STAB1: variants seen among roughly 807,000 people sequenced by gnomAD.
STAB1 encodes the protein stabilin-1.
Under a neutral mutation model 332.4 loss-of-function variants are expected in STAB1, and 250 were observed. The observed-to-expected ratio is 0.75, with a 90% CI of 0.68 to 0.84. The LOEUF (loss-of-function observed/expected upper bound fraction) is 0.84. Among genes scored for constraint, STAB1 ranks in the 40% least tolerant of loss-of-function variants. The pLI is 0.00. For synonymous variants in STAB1, 1,475 were observed against 1,390.4 expected (o/e 1.06, Z -1.35); for missense variants, 3,249 against 3,489.7 (o/e 0.93, Z 1.74).
chr3:52,504,181 G>A lies in STAB1; in HGVS notation c.1150+26G>A, dbSNP rs376558731. On this transcript the variant is annotated intron_variant, in intron 10 of 68. Transcript: ENST00000321725. The stretch of plus-strand genomic sequence containing the variant: ...GTGCGTGACCCCACTGCTTGCCCAC[G>A]ACCCGACCCCTCACCCCCAGCACAG... The A allele has an allele frequency of 2.8e-5, 44 of 1,569,548 alleles. 1 individual carries two copies. In the Admixed American group the frequency reaches 5.5e-4, roughly 20 times the overall value.
intron 1 of STAB1, among the ~76,000 whole-genome samples, chr3:52,500,624 G>A (rs946218634): frequency 4.6e-5 from 7 of 152,248 alleles, no homozygotes; most frequent in African/African-American, 1.4e-4. Flanking sequence ...CATCGTGCCT[G>A]TGCCCATGAG....
Position 52,514,331 on chromosome 3 carries a change from C to T in STAB1, c.3547-34C>T, listed in dbSNP as rs765621657. The T allele has an allele frequency of 2.6e-6, 4 of 1,556,656 alleles. No individual in the cohort carries two copies. The South Asian group carries it at 3.7e-5, about 14-fold the overall frequency. On this transcript the variant is annotated intron_variant, in intron 33 of 68. Coordinates refer to ENST00000321725, the MANE Select transcript of STAB1 (RefSeq NM_015136.3). ...GTGCTGTCCAGGGCACTTGGTTATC[C>T]TGCAGTCCCCTGGGTTCTCTCCTTC...
At chr3:52,519,844 G>T in intron 50 of STAB1, 100 bp from the exon 51 acceptor site, 1 of 1,396,020 alleles carries the variant, frequency 7.2e-7, no homozygotes, top group South Asian at 1.4e-5. Context: ...GAGTGTGGGT[G>T]AGTGTGGAGC....
In STAB1 at chr3:52,519,262, A is replaced by C. The variant is rs770434623; in HGVS notation, c.5035-2A>C. ...TTCATCAGCCCCGTGCCCCGCCCCCAGGGCAGCATATACCTCAATGACTTC... is the reference window on the plus strand; with the variant it reads ...TTCATCAGCCCCGTGCCCCGCCCCCCGGGCAGCATATACCTCAATGACTTC... On this transcript the variant is annotated splice_acceptor_variant, in intron 48 of 68. Transcript: ENST00000321725. LOFTEE classifies it high-confidence loss of function. 4.3e-6 allele frequency: 7 copies of C among 1,610,570 alleles called. No homozygotes were observed. The highest frequency in any genetic ancestry group is 3.4e-6 in the Non-Finnish European group (4 of 1,178,590).
At position 52,520,284 on chromosome 3, in the gene STAB1, G is replaced by A. The variant is rs375951164; in HGVS notation, c.5493G>A (p.Thr1831=). Residue 1831 remains threonine, a synonymous_variant, in exon 52 of 69, where the codon ACG becomes ACA. Coordinates refer to ENST00000321725, the MANE Select transcript of STAB1 (RefSeq NM_015136.3). ...GTPISFSCSR[T]RAGELMVGED... ...CCATCTCTTTCTCCTGCAGCCGAAC[G>A]CGGGCCGTGAGTCTGGGGAGAGGGC... 106 of 1,612,970 alleles carry A rather than the reference G, an allele frequency of 6.6e-5. No individual in the cohort carries two copies. The highest frequency in any genetic ancestry group is 8.6e-5 in the Non-Finnish European group (102 of 1,180,032).
In STAB1 at chr3:52,504,723, C is replaced by T. The variant is rs369049887; in HGVS notation, c.1240-16C>T. On this transcript the variant is annotated splice_polypyrimidine_tract_variant and intron_variant, in intron 11 of 68. Coordinates refer to ENST00000321725, the MANE Select transcript of STAB1 (RefSeq NM_015136.3). ...TGGCCCCCCGGCTCACTTTGCTCCC[C>T]GCCTTGCGTCTGCAGGCATCCCTTG... The T allele has an allele frequency of 6.1e-5, 99 of 1,613,442 alleles. No homozygotes were observed. The highest frequency in any genetic ancestry group is 8.8e-5 in the South Asian group (8 of 91,078).
chr3:52,502,361 G>A, intron 5 of STAB1, 133 bp downstream of exon 5: 1 of 1,025,712 alleles, frequency 9.7e-7, no homozygotes, highest in East Asian at 2.6e-5. Flanking sequence ...ATCCCTTTCA[G>A]GAACATGTGC....
rs372809783 is a variant in STAB1, at chr3:52,523,931, G to A, written c.7456G>A (p.Ala2486Thr). The change falls in exon 67 of 69, where the codon GCT (alanine) becomes ACT (threonine). Residue 2486 changes from alanine to threonine, a missense_variant. Ala to Thr is a moderately conservative substitution (Grantham distance 58, BLOSUM62 0). Coordinates refer to ENST00000321725, the MANE Select transcript of STAB1 (RefSeq NM_015136.3). ...GGCAGGCGTGGGGGCTGTGCTTGCC[G>A]CTGGAGCACTGCTTGGCTTGGTGGC... ...VAAGVGAVLA[A>T]GALLGLVAGA... 1.0e-4 allele frequency: 166 copies of A among 1,609,992 alleles called. No individual in the cohort carries two copies. The highest frequency in any genetic ancestry group is 1.3e-4 in the Non-Finnish European group (149 of 1,179,878).
chr3:52,517,484 C>A (rs1333590140), intron 43 of STAB1, 66 bp from the exon 44 acceptor site: 3 of 1,595,974 alleles, frequency 1.9e-6, no homozygotes, highest in African/African-American at 1.3e-5. Flanking sequence ...GGGGGGTGAC[C>A]CTTTTACCCA....
Position 52,514,299 on chromosome 3 carries a change from G to A in STAB1, c.3547-66G>A, listed in dbSNP as rs1021227424. On this transcript the variant is annotated intron_variant, in intron 33 of 68. Coordinates refer to ENST00000321725, the MANE Select transcript of STAB1 (RefSeq NM_015136.3). ...ATCCCACCACGAAGGGACACAGTGGGTGTGGCGTGCTGTCCAGGGCACTTG... is the reference window on the plus strand; with the variant it reads ...ATCCCACCACGAAGGGACACAGTGGATGTGGCGTGCTGTCCAGGGCACTTG... 3.9e-5 allele frequency: 62 copies of A among 1,588,084 alleles called. No homozygotes were observed. The Middle Eastern group carries it at 6.0e-4, about 15-fold the overall frequency.
At position 52,507,695 on chromosome 3, in the gene STAB1, G is replaced by C. The variant is rs768282877; in HGVS notation, c.2052+20G>C. ...AAGCTGGTGAGCACACCTTGGCCCA[G>C]CTCTCAGGGCCTCCTGACTGCCTGT... On this transcript the variant is annotated intron_variant, in intron 19 of 68. Coordinates refer to ENST00000321725, the MANE Select transcript of STAB1 (RefSeq NM_015136.3). 3 of 1,613,354 alleles carry C rather than the reference G, an allele frequency of 1.9e-6. No homozygotes were observed. The South Asian group carries it at 3.3e-5, about 18-fold the overall frequency.
In STAB1 at chr3:52,507,602, GC is replaced by G; in HGVS notation, c.1990-8del. The G allele has an allele frequency of 1.2e-6, 2 of 1,612,802 alleles. No homozygotes were observed. The highest frequency in any genetic ancestry group is 2.2e-5 in the South Asian group (2 of 90,990). ...TAACCCCTCTCCCCATCCTGCCCCT[GC>G]CCTGCCCAGGGCTCCTGTGTGGACT... On this transcript the variant is annotated splice_polypyrimidine_tract_variant and intron_variant, in intron 18 of 68. Coordinates refer to ENST00000321725, the MANE Select transcript of STAB1 (RefSeq NM_015136.3).
In STAB1 at chr3:52,519,423, T is replaced by C; in HGVS notation, c.5175+19T>C. ...CCCGAGGGTATGACAAGCACGGGCCTGGGAGCTGGAAGACAGGCAGGTGGG... is the reference window on the plus strand; with the variant it reads ...CCCGAGGGTATGACAAGCACGGGCCCGGGAGCTGGAAGACAGGCAGGTGGG... On this transcript the variant is annotated intron_variant, in intron 49 of 68. Transcript: ENST00000321725. The C allele has an allele frequency of 3.1e-6, 5 of 1,612,314 alleles. No individual in the cohort carries two copies. The highest frequency in any genetic ancestry group is 4.2e-6 in the Non-Finnish European group (5 of 1,179,342).
At chr3:52,500,992 A>G (rs1708403639) in intron 1 of STAB1, among the ~76,000 whole-genome samples, 174 bp from the exon 2 acceptor site, 1 of 152,228 alleles carries the variant, frequency 6.6e-6, no homozygotes, top group Non-Finnish European at 1.5e-5. Context: ...CCCCCAGGGC[A>G]TTCTGTGGAC....
intron 21 of STAB1, 78 bp from the exon 22 acceptor site, chr3:52,509,132 G>A: frequency 7.4e-7 from 1 of 1,344,206 alleles, no homozygotes; most frequent in African/African-American, 1.4e-5. Context: ...GCCAGCCCAT[G>A]AAAGGAGGGG....
Position 52,522,476 on chromosome 3 carries a change from T to C in STAB1, c.6610+2T>C. 6.2e-7 allele frequency: 1 copy of C among 1,613,018 alleles called. No homozygotes were observed. The highest frequency in any genetic ancestry group is 8.5e-7 in the Non-Finnish European group (1 of 1,179,972). On this transcript the variant is annotated splice_donor_variant, in intron 60 of 68. Transcript: ENST00000321725. LOFTEE classifies it high-confidence loss of function. Reference sequence around the variant, plus strand: ...TGTGCACTGACCTGCACTTCCAGGGTGTGTCCCCCTGCCCACTCCCAGTAC... The same window carrying C: ...TGTGCACTGACCTGCACTTCCAGGGCGTGTCCCCCTGCCCACTCCCAGTAC...
At chr3:52,502,838 C>G in intron 6 of STAB1, 111 bp downstream of exon 6, 3 of 1,312,418 alleles carry the variant, frequency 2.3e-6, no homozygotes, top group South Asian at 2.7e-5. Flanking sequence ...CCGCCTGGAG[C>G]CTAGTTGGGG....
Position 52,506,187 on chromosome 3 carries a change from C to T in STAB1, c.1767C>T (p.Leu589=). ...YNHGQLTVEK[L]ISKGRILTMA... The stretch of plus-strand genomic sequence containing the variant: ...TGCCCCAGCTGACCGTTGAGAAGCT[C>T]ATCTCCAAGGGTCGGATCCTCACCA... The change falls in exon 17 of 69, where the codon CTC becomes CTT. Residue 589 remains leucine (L), a synonymous_variant. Transcript: ENST00000321725. The T allele has an allele frequency of 6.2e-7, 1 of 1,612,306 alleles. No homozygotes were observed. Among genetic ancestry groups the T allele is most frequent in the Non-Finnish European group, 8.5e-7 (1 of 1,179,486 alleles).
Position 52,515,310 on chromosome 3 carries a change from T to G in STAB1, c.3865-113T>G, listed in dbSNP as rs2078823793. 3 of 1,070,562 alleles carry G rather than the reference T, an allele frequency of 2.8e-6. No homozygotes were observed. The Admixed American group carries it at 5.8e-5, about 21-fold the overall frequency. The allele number at this position is 1,070,562 out of a possible 1,614,324, so 66.3% of individuals were successfully genotyped here. A position where few individuals can be genotyped will look rare whatever the true frequency, so the allele number is the denominator to read the frequency against. The stretch of plus-strand genomic sequence containing the variant: ...TGTCTTGGTCCCTCTCTGACCCTTC[T>G]GCTGTTCTGCTCAGCTGCCTGACAC... On this transcript the variant is annotated intron_variant, in intron 36 of 68. Coordinates refer to ENST00000321725, the MANE Select transcript of STAB1 (RefSeq NM_015136.3).
Sources: gnomAD v4.1 joint callset for allele counts (sites outside exome capture counted in the v4.1 genomes callset) on GRCh38, gnomAD v4.1.1 for gene constraint, MANE v1.5 for transcripts, NCBI Gene and HGNC (gene_info 2026-07-23, HGNC 2026-07-21) for gene names.